Variants in UEVLD observed in about 807,000 individuals in gnomAD.
UEVLD encodes ubiquitin-conjugating enzyme E2 variant 3.
Under a neutral mutation model 58.6 loss-of-function variants are expected in UEVLD, and 47 were observed. That is an observed-to-expected ratio of 0.80 (90% CI 0.63 to 1.02). The LOEUF is 1.02. Among genes scored for constraint, UEVLD ranks in the 50% least tolerant of loss-of-function variants. The pLI is 0.00. For synonymous variants in UEVLD, 197 were observed against 195.3 expected (o/e 1.01, Z -0.07); for missense variants, 510 against 550.6 (o/e 0.93, Z 0.74).
Position 18,544,610 on chromosome 11 carries a change from AC to A in UEVLD, c.1060+12del, listed in dbSNP as rs1851209408. On this transcript the variant is annotated intron_variant, in intron 9 of 11. Coordinates refer to ENST00000396197, the MANE Select transcript of UEVLD (RefSeq NM_001040697.4). ...ATGAGCCACCACACCCAGCCTAAAA[AC>A]GTACTTCTTACCTTTGTCTTCTCCT... 6.3e-7 allele frequency: 1 copy of A among 1,579,352 alleles called. No individual in the cohort carries two copies. The highest frequency in any genetic ancestry group is 8.6e-7 in the Non-Finnish European group (1 of 1,167,984).
intron 7 of UEVLD, among the ~76,000 whole-genome samples, chr11:18,548,848 A>G (rs1851405070): frequency 6.6e-6 from 1 of 152,180 alleles, no homozygotes; most frequent in South Asian, 2.1e-4. Context: ...TCTAAACACT[A>G]AGTCCTAGAT....
At chr11:18,584,307 C>T (rs1009384138) in intron 1 of UEVLD, among the ~76,000 whole-genome samples, 3 of 152,068 alleles carry the variant, frequency 2.0e-5, no homozygotes, top group South Asian at 2.1e-4. Context: ...CACTTGAGCC[C>T]AAGAGTTTGA....
chr11:18,583,855 T>G lies in UEVLD; in HGVS notation c.42+4758A>C, dbSNP rs140981548. Reference sequence around the variant, plus strand: ...TTTGTATTTTTGGTAGAGACGAGGTTTCTCCATGTTGGTCAGGCTGGTCTT... The same window carrying G: ...TTTGTATTTTTGGTAGAGACGAGGTGTCTCCATGTTGGTCAGGCTGGTCTT... On this transcript the variant is annotated intron_variant, in intron 1 of 11. Transcript: ENST00000396197. 7.2e-3 allele frequency among the ~76,000 whole-genome samples: 1,100 copies of G among 151,936 alleles called. 13 individuals are homozygous for G. The highest frequency in any genetic ancestry group is 0.025 in the African/African-American group (1,049 of 41,408).
intron 1 of UEVLD, among the ~76,000 whole-genome samples, chr11:18,583,512 C>T (rs1269714140): frequency 6.6e-6 from 1 of 152,280 alleles, no homozygotes; most frequent in East Asian, 1.9e-4. Flanking sequence ...AGCTACCACG[C>T]TCGGCCTAGA....
intron 2 of UEVLD, among the ~76,000 whole-genome samples, chr11:18,577,772 T>A (rs1311317109): frequency 6.7e-6 from 1 of 149,810 alleles, no homozygotes; most frequent in East Asian, 2.0e-4. Flanking sequence ...CTCGGAAGGC[T>A]GAGGCAGGAG....
chr11:18,563,027 C>T (rs542086895), intron 6 of UEVLD, among the ~76,000 whole-genome samples: 1 of 149,290 alleles, frequency 6.7e-6, no homozygotes, highest in African/African-American at 2.5e-5. Flanking sequence ...ACTTGGGCTA[C>T]AGAGAGAAAC....
At position 18,532,482 on chromosome 11, in the gene UEVLD, A is replaced by G. The variant is rs1328984029; in HGVS notation, c.1254T>C (p.Tyr418=). The change falls in exon 12 of 12, where the codon TAT becomes TAC. Residue 418 remains tyrosine (Y), a synonymous_variant. Coordinates refer to ENST00000396197, the MANE Select transcript of UEVLD (RefSeq NM_001040697.4). ...AAAACACTTCACTATTTATATCATA[A>G]TATCCCTGAAATGAGAAAAATAGGG... ...VHSVSALAKG[Y]YDINSEVFLS... is the part of the protein sequence containing the mutation. 1.2e-6 allele frequency: 2 copies of G among 1,601,108 alleles called. No homozygotes were observed. Among genetic ancestry groups the G allele is most frequent in the Non-Finnish European group, 1.7e-6 (2 of 1,174,300 alleles).
At chr11:18,545,058 C>A (rs867907982) in intron 8 of UEVLD, among the ~76,000 whole-genome samples, 3 of 24,258 alleles carry the variant, frequency 1.2e-4, no homozygotes, top group Admixed American at 6.0e-4. Flanking sequence ...ATATCTATAT[C>A]TATATCTATA....
chr11:18,578,789 G>T lies in UEVLD; in HGVS notation c.62C>A (p.Thr21Asn). ...ATTTACATTCCTTAGTTCTTCCACA[G>T]TTAGGTCCCTGAACTTGTACTGAAA... The part of the protein sequence containing the change: ...LLGKYKFRDL[T>N]VEELRNVNVF... The change falls in exon 2 of 12, where the codon ACT becomes AAT. Residue 21 changes from threonine to asparagine, a missense_variant. Coordinates refer to ENST00000396197, the MANE Select transcript of UEVLD (RefSeq NM_001040697.4). 6.2e-7 allele frequency: 1 copy of T among 1,606,046 alleles called. No individual in the cohort carries two copies. Among genetic ancestry groups the T allele is most frequent in the Non-Finnish European group, 8.5e-7 (1 of 1,176,358 alleles).
Position 18,540,363 on chromosome 11 carries a change from A to G in UEVLD, c.1061-3894T>C, listed in dbSNP as rs139193028. Among the ~76,000 whole-genome samples, 103 of 152,358 alleles carry G rather than the reference A, an allele frequency of 6.8e-4. 2 individuals are homozygous for G. The East Asian group carries it at 0.016, about 23-fold the overall frequency. On this transcript the variant is annotated intron_variant, in intron 9 of 11. Transcript: ENST00000396197. Reference sequence around the variant, plus strand: ...AATAATTATAATTGCAGTTACTGTGATGGTATCACTTATGCAAAAGTCTAA... The same window carrying G: ...AATAATTATAATTGCAGTTACTGTGGTGGTATCACTTATGCAAAAGTCTAA...
At chr11:18,588,460 G>C (rs1422475323) in intron 1 of UEVLD, among the ~76,000 whole-genome samples, 153 bp downstream of exon 1, 2 of 152,088 alleles carry the variant, frequency 1.3e-5, no homozygotes, top group Non-Finnish European at 2.9e-5. Context: ...AGCCTCCCTG[G>C]GGCCGCGCCC....
At chr11:18,535,446 C>T (rs1355047442) in intron 10 of UEVLD, among the ~76,000 whole-genome samples, 8 of 152,094 alleles carry the variant, frequency 5.3e-5, no homozygotes, top group Non-Finnish European at 1.2e-4. Context: ...AGTATAAATG[C>T]AGGATTGTAT....
At chr11:18,536,103 C>A (rs56104322) in intron 10 of UEVLD, among the ~76,000 whole-genome samples, 1 of 152,104 alleles carries the variant, frequency 6.6e-6, no homozygotes, top group South Asian at 2.1e-4. Flanking sequence ...CACTGCACTC[C>A]AGCCTGGTGA....
At chr11:18,563,102 C>T (rs1423157103) in intron 6 of UEVLD, among the ~76,000 whole-genome samples, 1 of 122,868 alleles carries the variant, frequency 8.1e-6, no homozygotes, top group South Asian at 2.7e-4. Context: ...CTTGTGCTTA[C>T]CAAAAAAAAA....
intron 1 of UEVLD, among the ~76,000 whole-genome samples, chr11:18,582,333 AC>A (rs1853283845): frequency 7.6e-6 from 1 of 131,958 alleles, no homozygotes; most frequent in African/African-American, 2.9e-5. Context: ...TTGTTTTGAC[AC>A]CCACCACCCA....
Position 18,570,274 on chromosome 11 carries a change from G to A in UEVLD, c.297C>T (p.Val99=), listed in dbSNP as rs569545577. Reference sequence around the variant, plus strand: ...TGCCTTGAGCATCCACATGTTTTCCGACTAAGATTCCCATATTTGCAGTTG... The same window carrying A: ...TGCCTTGAGCATCCACATGTTTTCCAACTAAGATTCCCATATTTGCAGTTG... ...LKPTANMGIL[V]GKHVDAQGRI... Residue 99 remains valine (V), a synonymous_variant, in exon 4 of 12, where the codon GTC becomes GTT. Coordinates refer to ENST00000396197, the MANE Select transcript of UEVLD (RefSeq NM_001040697.4). 230 of 1,604,240 alleles carry A rather than the reference G, an allele frequency of 1.4e-4. No individual in the cohort carries two copies. In the South Asian group the frequency reaches 2.1e-3, roughly 14 times the overall value.
intron 1 of UEVLD, among the ~76,000 whole-genome samples, chr11:18,581,825 C>T (rs1853255646): frequency 6.6e-6 from 1 of 152,142 alleles, no homozygotes; most frequent in South Asian, 2.1e-4. Context: ...GTACTTAGTA[C>T]AGGGTATGCC....
rs146359559 is a variant in UEVLD at position 18,577,608 on chromosome 11, G to A, written c.127+1116C>T. ...CCCATGGTCGGGCACAGTGGCTTAC[G>A]CCTGTAATCCCAGCACTTTGGGAGG... On this transcript the variant is annotated intron_variant, in intron 2 of 11. Transcript: ENST00000396197. Among the ~76,000 whole-genome samples, 745 of 152,312 alleles carry A rather than the reference G, an allele frequency of 4.9e-3. 6 individuals are homozygous for A. The highest frequency in any genetic ancestry group is 0.017 in the African/African-American group (720 of 41,566).
chr11:18,581,491 C>G (rs1275553163), intron 1 of UEVLD, among the ~76,000 whole-genome samples: 3 of 152,036 alleles, frequency 2.0e-5, no homozygotes, highest in Non-Finnish European at 4.4e-5. Context: ...CGAGAACAGA[C>G]AGGCCAACAT....
Sources: allele counts gnomAD v4.1 joint callset (sites outside exome capture counted in the v4.1 genomes callset), GRCh38; gene constraint gnomAD v4.1.1; transcripts MANE v1.5; gene names NCBI Gene and HGNC (gene_info 2026-07-23, HGNC 2026-07-21).